Variants in LYST observed in about 807,000 individuals in gnomAD.
LYST encodes lysosomal-trafficking regulator.
A neutral mutation model predicts 413.6 loss-of-function variants in LYST; 192 were observed. That is an observed-to-expected ratio of 0.46 (90% CI 0.41 to 0.52). The LOEUF is 0.52. LYST is among the 20% of genes least tolerant of loss of function. The pLI is 0.00. For synonymous variants in LYST, 1,525 were observed against 1,567.3 expected (o/e 0.97, Z 0.64); for missense variants, 3,815 against 4,499.9 (o/e 0.85, Z 4.35).
chr1:235,827,062 A>G (rs1275547794), intron 3 of LYST, among the ~76,000 whole-genome samples: 2 of 152,170 alleles, frequency 1.3e-5, no homozygotes, highest in Admixed American at 6.5e-5. Context: ...TTACTTCTTT[A>G]TATTAAATGT....
At chr1:235,755,140 T>C (rs1411975681) in intron 25 of LYST, among the ~76,000 whole-genome samples, 2 of 134,560 alleles carry the variant, frequency 1.5e-5, no homozygotes, top group Admixed American at 8.0e-5. Context: ...CTGTAATCCC[T>C]GCACTTTGGG....
At chr1:235,792,847 A>G (rs894392562) in intron 11 of LYST, among the ~76,000 whole-genome samples, 3 of 151,590 alleles carry the variant, frequency 2.0e-5, no homozygotes, top group Admixed American at 1.3e-4. Flanking sequence ...TATTTTTAGT[A>G]GAGACGGGGT....
chr1:235,817,788 T>C (rs1359711919), intron 3 of LYST, among the ~76,000 whole-genome samples: 1 of 151,930 alleles, frequency 6.6e-6, no homozygotes, highest in East Asian at 1.9e-4. Context: ...GGTGATGAAA[T>C]AGTCTGTACA....
Position 235,662,995 on chromosome 1 carries a change from T to C in LYST, c.11351A>G (p.Gln3784Arg), listed in dbSNP as rs1366178678. ...TVIAWCRKDQ[Q>R]RLKQPMFYSF... ...ATAGAACATTGGCTGTTTCAAGCGC[T>C]GCTGGTCCTTCCGACACCAGGCAAT... The change falls in exon 53 of 53, where the codon CAG (glutamine) becomes CGG (arginine). Residue 3784 changes from glutamine to arginine, a missense_variant. Physicochemically the swap from Gln to Arg is conservative, Grantham distance 43. Coordinates refer to ENST00000389793, the MANE Select transcript of LYST (RefSeq NM_000081.4). 1 of 1,613,882 alleles carries C rather than the reference T, an allele frequency of 6.2e-7. No individual in the cohort carries two copies. Among genetic ancestry groups the C allele is most frequent in the African/African-American group, 1.3e-5 (1 of 74,926 alleles).
chr1:235,774,265 T>C (rs1174353281), intron 18 of LYST, among the ~76,000 whole-genome samples: 1 of 152,174 alleles, frequency 6.6e-6, no homozygotes, highest in Admixed American at 6.5e-5. Context: ...ATTGAATTAA[T>C]CTGCTATTAG....
In LYST at chr1:235,755,481, T is replaced by C; in HGVS notation, c.7226A>G (p.Glu2409Gly). ...GTGGAGGGAAGAACACACTTACTCT[T>C]CATCAAGGCCAATATGTCGACCAAA... ...MFFGRHIGLD[E>G]EFDLEDVRNM... Residue 2409 changes from glutamate to glycine, a missense_variant, in exon 25 of 53, where the codon GAA becomes GGA. Glu to Gly is a moderately conservative substitution (Grantham distance 98). Around this residue, in one of 4 missense-constraint regions of LYST, gnomAD observed 771 missense variants for 837.1 expected, o/e 0.92. Coordinates refer to ENST00000389793, the MANE Select transcript of LYST (RefSeq NM_000081.4). 5.0e-6 allele frequency: 8 copies of C among 1,612,194 alleles called. No individual in the cohort carries two copies. The highest frequency in any genetic ancestry group is 6.8e-6 in the Non-Finnish European group (8 of 1,178,556).
chr1:235,664,726 G>T lies in LYST; in HGVS notation c.11039-105C>A. On this transcript the variant is annotated intron_variant, in intron 50 of 52. Coordinates refer to ENST00000389793, the MANE Select transcript of LYST (RefSeq NM_000081.4). This position sits in a 1 kb window ranked among gnomAD's most constrained non-coding sequence, Gnocchi z 4.5. ...TGAAGGGCAAGCTCATTTGTTTATT[G>T]ATGAAGTTTGTAGACAACCCATGAC... 1 of 963,588 alleles carries T rather than the reference G, an allele frequency of 1.0e-6. No homozygotes were observed. The highest frequency in any genetic ancestry group is 1.7e-6 in the Non-Finnish European group (1 of 605,434). The allele number at this position is 963,588 out of a possible 1,614,324, so 59.7% of individuals were successfully genotyped here.
chr1:235,781,129 G>T, intron 15 of LYST, 74 bp from the exon 16 acceptor site: 1 of 930,926 alleles, frequency 1.1e-6, no homozygotes, highest in Non-Finnish European at 1.7e-6. Flanking sequence ...CAAGAAACCA[G>T]GAATTATTTT....
intron 47 of LYST, among the ~76,000 whole-genome samples, chr1:235,691,487 C>G (rs1186682264): frequency 6.6e-6 from 1 of 152,114 alleles, no homozygotes; most frequent in African/African-American, 2.4e-5. Flanking sequence ...AAAGATGGCA[C>G]TATGGTTACA....
chr1:235,857,139 G>A (rs2103132581), intron 1 of LYST, among the ~76,000 whole-genome samples: 1 of 152,088 alleles, frequency 6.6e-6, no homozygotes. Context: ...TAGAGATGGG[G>A]TTTCACCATG....
At chr1:235,695,267 T>C (rs1007148702) in intron 46 of LYST, among the ~76,000 whole-genome samples, 6 of 152,252 alleles carry the variant, frequency 3.9e-5, no homozygotes, top group Admixed American at 3.3e-4. Context: ...TCCTACTTTA[T>C]AGATCAAAAG....
At chr1:235,818,940 C>A (rs768505749) in intron 3 of LYST, among the ~76,000 whole-genome samples, 3 of 152,198 alleles carry the variant, frequency 2.0e-5, no homozygotes, top group Non-Finnish European at 4.4e-5. Context: ...CCCAGCAACA[C>A]CTCTTCTGTG....
chr1:235,874,001 T>C (rs1681039942), intron 1 of LYST, among the ~76,000 whole-genome samples: 1 of 152,180 alleles, frequency 6.6e-6, no homozygotes, highest in Non-Finnish European at 1.5e-5. Flanking sequence ...TCTCAGCAGA[T>C]GCATAGAATA....
At chr1:235,747,231 A>G (rs1271188047) in intron 28 of LYST, 1 of 453,248 alleles carries the variant, frequency 2.2e-6, no homozygotes, top group Non-Finnish European at 4.4e-6. Flanking sequence ...ATGAGTCTTG[A>G]TTTAATGGAC....
intron 2 of LYST, among the ~76,000 whole-genome samples, chr1:235,832,831 A>G (rs1387828200): frequency 3.3e-5 from 5 of 152,086 alleles, no homozygotes; most frequent in Non-Finnish European, 5.9e-5. Context: ...ATTTCTTGTT[A>G]GGTTTACTCC....
chr1:235,733,559 T>C lies in LYST; in HGVS notation c.8745A>G (p.Val2915=). 2.5e-6 allele frequency: 4 copies of C among 1,614,022 alleles called. No homozygotes were observed. Among genetic ancestry groups the C allele is most frequent in the Non-Finnish European group, 1.7e-6 (2 of 1,179,926 alleles). The stretch of plus-strand genomic sequence containing the variant: ...GCCAATGTCTGCTGGCACTCAAATC[T>C]ACTTTATACATTCCTCTAATATGCT... ...VIQHIRGMYK[V]DLSASRHWQE... is the part of the protein sequence containing the mutation. Residue 2915 remains valine, a synonymous_variant, in exon 34 of 53, where the codon GTA becomes GTG. Coordinates refer to ENST00000389793, the MANE Select transcript of LYST (RefSeq NM_000081.4).
chr1:235,806,424 C>A lies in LYST; in HGVS notation c.2712G>T (p.Val904=), dbSNP rs545149427. Residue 904 remains valine, a synonymous_variant, in exon 6 of 53, where the codon GTG becomes GTT. Transcript: ENST00000389793. ...CTTCTTTACTTACGCATAAAAAAGCCACACAGAGGAATAGGTTTATTGTGT... is the reference window on the plus strand; with the variant it reads ...CTTCTTTACTTACGCATAAAAAAGCAACACAGAGGAATAGGTTTATTGTGT... The part of the protein sequence containing the change: ...HINTINLFLC[V]AFLCVSKEAE... The A allele has an allele frequency of 6.2e-6, 10 of 1,614,026 alleles. No individual in the cohort carries two copies. The highest frequency in any genetic ancestry group is 8.5e-6 in the Non-Finnish European group (10 of 1,179,974).
intron 45 of LYST, among the ~76,000 whole-genome samples, chr1:235,699,099 C>T (rs1661337797): frequency 6.6e-6 from 1 of 151,814 alleles, no homozygotes; most frequent in African/African-American, 2.4e-5. Context: ...CATTATTCTC[C>T]TTTCTTTTTT....
intron 26 of LYST, among the ~76,000 whole-genome samples, chr1:235,752,815 T>C (rs568192984): frequency 6.6e-6 from 1 of 152,092 alleles, no homozygotes; most frequent in Non-Finnish European, 1.5e-5. Flanking sequence ...AGAAACTAAC[T>C]TGGGCCAGTT....
Sources: gnomAD v4.1 joint callset for allele counts (sites outside exome capture counted in the v4.1 genomes callset) on GRCh38, gnomAD v4.1.1 for gene constraint, gnomAD v4.1.1 regional missense constraint, Gnocchi (gnomAD v3.1) non-coding constraint, MANE v1.5 for transcripts, NCBI Gene and HGNC (gene_info 2026-07-23, HGNC 2026-07-21) for gene names.